CPSF2: variants seen among roughly 807,000 people sequenced by gnomAD.
CPSF2 encodes the protein cleavage and polyadenylation specific factor 2, also known as cleavage and polyadenylation specificity factor subunit 2.
A neutral mutation model predicts 84.2 loss-of-function variants in CPSF2; 51 were observed. The ratio of observed to expected loss-of-function variants is 0.61; its 90% CI spans 0.48 to 0.77. The LOEUF is 0.77. CPSF2 is among the 30% of genes least tolerant of loss of function. The pLI is 0.00. For synonymous variants in CPSF2, 286 were observed against 311.9 expected (o/e 0.92, Z 0.87); for missense variants, 641 against 929.4 (o/e 0.69, Z 4.03).
intron 9 of CPSF2, among the ~76,000 whole-genome samples, chr14:92,144,717 A>G (rs78750963): frequency 0.027 from 4,121 of 152,282 alleles, 218 homozygotes; most frequent in African/African-American, 0.094. Flanking sequence ...ATTTGTTTTC[A>G]CATTCATAAC....
Position 92,157,005 on chromosome 14 carries a change from A to G in CPSF2, c.1595+374A>G, listed in dbSNP as rs36036195. ...GCTTGTTTCATAAAATATACTCCTTAACTTAAACATCTCTAAGACCCTAAT... is the reference window on the plus strand; with the variant it reads ...GCTTGTTTCATAAAATATACTCCTTGACTTAAACATCTCTAAGACCCTAAT... On this transcript the variant is annotated intron_variant, in intron 12 of 15. Coordinates refer to ENST00000298875, the MANE Select transcript of CPSF2 (RefSeq NM_017437.3). The surrounding 1 kb of genome is among the most constrained non-coding windows in gnomAD (Gnocchi z 4.0). 0.2 allele frequency among the ~76,000 whole-genome samples: 30,418 copies of G among 152,090 alleles called. 3,412 individuals carry two copies. The highest frequency in any genetic ancestry group is 0.53 in the East Asian group (2,748 of 5,180).
Position 92,162,645 on chromosome 14 carries a change from C to T in CPSF2, c.*901C>T, listed in dbSNP as rs892992870. On this transcript the variant is annotated 3_prime_UTR_variant, in exon 16 of 16. Coordinates refer to ENST00000298875, the MANE Select transcript of CPSF2 (RefSeq NM_017437.3). ...AGGCTTGCTGTCTCCTAAGGTCACC[C>T]AAGCAGTGGTTGGATTTTATACACA... The T allele has an allele frequency of 6.6e-6, 1 of 152,108 alleles. No homozygotes were observed. Among genetic ancestry groups the T allele is most frequent in the Non-Finnish European group, 1.5e-5 (1 of 68,030 alleles). The allele number at this position is 152,108 out of a possible 1,614,324, so 9.4% of individuals were successfully genotyped here. A position where few individuals can be genotyped will look rare whatever the true frequency, so the allele number is the denominator to read the frequency against.
chr14:92,159,687 A>G (rs1295457167), intron 14 of CPSF2, among the ~76,000 whole-genome samples: 2 of 152,176 alleles, frequency 1.3e-5, no homozygotes, highest in African/African-American at 4.8e-5. Flanking sequence ...CCCTGTCTTG[A>G]ACATAAAATA....
chr14:92,151,453 T>G (rs10131491), intron 9 of CPSF2, among the ~76,000 whole-genome samples: 1 of 150,720 alleles, frequency 6.6e-6, no homozygotes, highest in Admixed American at 6.6e-5. Flanking sequence ...AAAAAAAAAT[T>G]AACACAACAG....
intron 1 of CPSF2, among the ~76,000 whole-genome samples, chr14:92,123,727 G>GT (rs1228306289): frequency 1.3e-5 from 2 of 152,214 alleles, no homozygotes; most frequent in African/African-American, 4.8e-5. Flanking sequence ...AAGAGGGCAA[G>GT]TAACTGTGAG....
At position 92,164,358 on chromosome 14, in the gene CPSF2, G is replaced by A. The variant is rs1270720585; in HGVS notation, c.*2614G>A. The A allele has an allele frequency of 1.3e-5, 2 of 152,212 alleles. No individual in the cohort carries two copies. Among genetic ancestry groups the A allele is most frequent in the African/African-American group, 2.4e-5 (1 of 41,530 alleles). 9.4% of individuals were successfully genotyped at this position (152,212 alleles called of 1,614,324 possible). ...GTGCTAAATAATAATCATTGCAAGA[G>A]CAATACTTTTACCTGTTTCTAGATG... On this transcript the variant is annotated 3_prime_UTR_variant, in exon 16 of 16. Coordinates refer to ENST00000298875, the MANE Select transcript of CPSF2 (RefSeq NM_017437.3).
At chr14:92,142,715 A>G (rs1239402360) in intron 8 of CPSF2, among the ~76,000 whole-genome samples, 1 of 152,212 alleles carries the variant, frequency 6.6e-6, no homozygotes, top group Non-Finnish European at 1.5e-5. Flanking sequence ...TGAAATAGCA[A>G]TCTTTGGGAG....
chr14:92,128,669 A>T (rs979812375), intron 2 of CPSF2, among the ~76,000 whole-genome samples: 1 of 152,188 alleles, frequency 6.6e-6, no homozygotes, highest in East Asian at 1.9e-4. Context: ...GGACCTGAGT[A>T]AAAACAGGAG....
intron 14 of CPSF2, among the ~76,000 whole-genome samples, chr14:92,160,831 G>A (rs931626199): frequency 1.3e-5 from 2 of 152,148 alleles, no homozygotes; most frequent in Non-Finnish European, 2.9e-5. Flanking sequence ...TGAGTGAAGA[G>A]CCTAACATTA....
chr14:92,146,093 A>G (rs74074434), intron 9 of CPSF2, among the ~76,000 whole-genome samples: 1,863 of 152,342 alleles, frequency 0.012, 41 homozygotes, highest in African/African-American at 0.042. Flanking sequence ...ACCAAAACCT[A>G]CGTTAAGTGT....
intron 3 of CPSF2, among the ~76,000 whole-genome samples, chr14:92,132,551 C>T (rs1251153786): frequency 6.6e-6 from 1 of 151,762 alleles, no homozygotes; most frequent in Non-Finnish European, 1.5e-5. Flanking sequence ...GCGGGCAGAT[C>T]ACTTGAGGTC....
intron 9 of CPSF2, among the ~76,000 whole-genome samples, chr14:92,144,156 C>T (rs181685174): frequency 1.3e-5 from 2 of 152,264 alleles, no homozygotes; most frequent in Admixed American, 1.3e-4. Flanking sequence ...TTAATGATCT[C>T]TTGGTCATTC....
Position 92,157,812 on chromosome 14 carries a change from G to A in CPSF2, c.1749G>A (p.Gly583=). The A allele has an allele frequency of 3.7e-6, 6 of 1,614,172 alleles. No homozygotes were observed. Among genetic ancestry groups the A allele is most frequent in the Non-Finnish European group, 5.1e-6 (6 of 1,180,016 alleles). The change falls in exon 13 of 16, where the codon GGG becomes GGA. Residue 583 remains glycine, a synonymous_variant. Coordinates refer to ENST00000298875, the MANE Select transcript of CPSF2 (RefSeq NM_017437.3). This position sits in a 1 kb window ranked among gnomAD's most constrained non-coding sequence, Gnocchi z 4.0. The stretch of plus-strand genomic sequence containing the variant: ...CAGAGTGCTGTCGCGCCTTTGGTGG[G>A]AAAGATATTAAAGTGTACATGCCAA... The part of the protein sequence containing the change: ...DLAECCRAFG[G]KDIKVYMPKL...
At chr14:92,122,699 C>T (rs891867217) in intron 1 of CPSF2, among the ~76,000 whole-genome samples, 5 of 145,004 alleles carry the variant, frequency 3.4e-5, no homozygotes, top group Non-Finnish European at 4.5e-5. Context: ...TCTTTTTTGA[C>T]TTCGTACTAT....
intron 1 of CPSF2, among the ~76,000 whole-genome samples, chr14:92,124,302 A>AC (rs1220653981): frequency 6.6e-6 from 1 of 152,138 alleles, no homozygotes; most frequent in Non-Finnish European, 1.5e-5. Flanking sequence ...ATGGTCTCTG[A>AC]CAGCTATATG....
rs2069431479 is a variant in CPSF2 at position 92,165,436 on chromosome 14, A to G, written c.*3692A>G. The G allele has an allele frequency of 6.6e-6, 1 of 152,134 alleles. No homozygotes were observed. Among genetic ancestry groups the G allele is most frequent in the African/African-American group, 2.4e-5 (1 of 41,432 alleles). The allele number at this position is 152,134 out of a possible 1,614,324, so 9.4% of individuals were successfully genotyped here. ...CCATTTTCTCCTCATTCTTGACAAC[A>G]TTTATTACTCCCTTTTTAAATTTTA... On this transcript the variant is annotated 3_prime_UTR_variant, in exon 16 of 16. Coordinates refer to ENST00000298875, the MANE Select transcript of CPSF2 (RefSeq NM_017437.3).
At chr14:92,148,812 T>TAG (rs1016036830) in intron 9 of CPSF2, among the ~76,000 whole-genome samples, 4 of 150,436 alleles carry the variant, frequency 2.7e-5, no homozygotes, top group African/African-American at 4.9e-5. Flanking sequence ...TATATATATG[T>TAG]AGAGAGAGAG....
rs557411832 is a variant in CPSF2, at chr14:92,131,203, C to T, written c.149+70C>T. ...TCTTTTCTGTACTGTAATACCATTT[C>T]GATGTGATAAATACTGCCTTTTTAC... On this transcript the variant is annotated intron_variant, in intron 3 of 15. Coordinates refer to ENST00000298875, the MANE Select transcript of CPSF2 (RefSeq NM_017437.3). The T allele has an allele frequency of 4.4e-5, 56 of 1,276,578 alleles. No individual in the cohort carries two copies. The African/African-American group carries it at 6.4e-4, about 14-fold the overall frequency. 79.1% of individuals were successfully genotyped at this position (1,276,578 alleles called of 1,614,324 possible). A position where few individuals can be genotyped will look rare whatever the true frequency, so the allele number is the denominator to read the frequency against.
At position 92,128,036 on chromosome 14, in the gene CPSF2, C is replaced by G. The variant is rs117380897; in HGVS notation, c.-35+1856C>G. On this transcript the variant is annotated intron_variant, in intron 2 of 15. Coordinates refer to ENST00000298875, the MANE Select transcript of CPSF2 (RefSeq NM_017437.3). ...AGAAAAGTCAGATTGAAGGGTAATA[C>G]TTACGGCCTGTTTGAGGCCTTTGGC... 4.2e-3 allele frequency among the ~76,000 whole-genome samples: 632 copies of G among 152,276 alleles called. 20 individuals carry two copies. In the East Asian group the frequency reaches 0.069, roughly 17 times the overall value.
Sources: allele counts gnomAD v4.1 joint callset (sites outside exome capture counted in the v4.1 genomes callset), GRCh38; gene constraint gnomAD v4.1.1; non-coding constraint Gnocchi (gnomAD v3.1); transcripts MANE v1.5; gene names NCBI Gene and HGNC (gene_info 2026-07-23, HGNC 2026-07-21).